The following LZTS1 variants were observed in gnomAD, a reference collection of about 807,000 sequenced individuals.
LZTS1 encodes leucine zipper tumor suppressor 1.
In LZTS1, 31 loss-of-function variants were observed where a neutral mutation model predicts 45.8. The observed-to-expected ratio is 0.68, with a 90% CI of 0.51 to 0.91. The LOEUF (loss-of-function observed/expected upper bound fraction) is 0.91. Ranked by LOEUF, LZTS1 falls within the 40% of genes least tolerant of loss-of-function variation. LZTS1 has a pLI of 0.00. For synonymous variants in LZTS1, 359 were observed against 357.3 expected, an observed-to-expected ratio of 1.00 and a Z score of -0.05; for missense variants, 821 against 788.9, an observed-to-expected ratio of 1.04 and a Z score of -0.49.
intron 1 of LZTS1, among the ~76,000 whole-genome samples, chr8:20,296,252 T>C (rs1800976967): frequency 6.6e-6 from 1 of 152,240 alleles, no homozygotes; most frequent in South Asian, 2.1e-4. Context: ...CTCAGCCACC[T>C]GAGAGGTTAT....
At chr8:20,256,354 G>A (rs755405863) in intron 1 of LZTS1, among the ~76,000 whole-genome samples, 2 of 152,180 alleles carry the variant, frequency 1.3e-5, no homozygotes, top group African/African-American at 4.8e-5. Context: ...AGGAGCCCCT[G>A]GATGGCTTTA....
intron 1 of LZTS1, among the ~76,000 whole-genome samples, chr8:20,272,206 C>T (rs1800487192): frequency 6.6e-6 from 1 of 152,178 alleles, no homozygotes; most frequent in Non-Finnish European, 1.5e-5. Context: ...CTTCCCAGGT[C>T]ATCTCCCACT....
intron 1 of LZTS1, among the ~76,000 whole-genome samples, chr8:20,271,862 G>A (rs554376049): frequency 2.2e-4 from 34 of 152,324 alleles, no homozygotes; most frequent in African/African-American, 7.7e-4. Flanking sequence ...AGCCATAGGC[G>A]AGCCAGGTGA....
At chr8:20,292,300 G>A (rs113108303) in intron 1 of LZTS1, among the ~76,000 whole-genome samples, 7 of 152,330 alleles carry the variant, frequency 4.6e-5, no homozygotes, top group African/African-American at 1.7e-4. Flanking sequence ...ATCAGGACAC[G>A]TATCTGCCTC....
At position 20,256,060 on chromosome 8, in the gene LZTS1, C is replaced by CAAAAA. The variant is rs386412254; in HGVS notation, c.-134-750_-134-746dup. Reference sequence around the variant, plus strand: ...ACTGCACTCCAGCCTGGGCCTGACTCAAAAAAAAAAAAAAAAAAAAAAAAG... The same window carrying CAAAAA: ...ACTGCACTCCAGCCTGGGCCTGACTCAAAAAAAAAAAAAAAAAAAAAAAAAAAAAG... On this transcript the variant is annotated intron_variant, in intron 1 of 3. Transcript: ENST00000381569. Among the ~76,000 whole-genome samples the CAAAAA allele has an allele frequency of 2.6e-3, 147 of 56,226 alleles. 1 individual carries two copies. The highest frequency in any genetic ancestry group is 3.4e-3 in the Non-Finnish European group (105 of 31,174). 36.9% of individuals were successfully genotyped at this position (56,226 alleles called of 152,430 possible).
chr8:20,276,951 C>T (rs1585294777), intron 1 of LZTS1, among the ~76,000 whole-genome samples: 2 of 152,326 alleles, frequency 1.3e-5, no homozygotes, highest in East Asian at 1.9e-4. Flanking sequence ...ATGTCAGAGG[C>T]ATTTGAACCA....
Position 20,254,909 on chromosome 8 carries a change from C to T in LZTS1, c.273G>A (p.Gly91=), listed in dbSNP as rs1167470234. 6.2e-7 allele frequency: 1 copy of T among 1,614,062 alleles called. No homozygotes were observed. The highest frequency in any genetic ancestry group is 8.5e-7 in the Non-Finnish European group (1 of 1,180,042). The change falls in exon 2 of 4, where the codon GGG becomes GGA. Residue 91 remains glycine (G), a synonymous_variant. Coordinates refer to ENST00000381569, the MANE Select transcript of LZTS1 (RefSeq NM_021020.5). Reference sequence around the variant, plus strand: ...GGTCAAAGTCCACCCCAGCCTGGCCCCCTAAATCCCCGCTGGACAGTGCCG... The same window carrying T: ...GGTCAAAGTCCACCCCAGCCTGGCCTCCTAAATCCCCGCTGGACAGTGCCG... ...DYTALSSGDL[G]GQAGVDFDPS... is the part of the protein sequence containing the mutation.
chr8:20,302,065 T>C (rs1311231866), intron 1 of LZTS1, among the ~76,000 whole-genome samples: 1 of 152,130 alleles, frequency 6.6e-6, no homozygotes, highest in Admixed American at 6.5e-5. Context: ...TTACTAGGAC[T>C]CCCAGTTGCT....
chr8:20,255,712 T>C (rs551649778), intron 1 of LZTS1, among the ~76,000 whole-genome samples: 1 of 152,124 alleles, frequency 6.6e-6, no homozygotes, highest in African/African-American at 2.4e-5. Flanking sequence ...AGAACAGAAT[T>C]CTGGGAGGTG....
chr8:20,287,897 CAAAAAAA>C (rs34653802), intron 1 of LZTS1, among the ~76,000 whole-genome samples: 8 of 54,118 alleles, frequency 1.5e-4, no homozygotes, highest in African/African-American at 2.2e-4. Flanking sequence ...GCACTCCAGC[CAAAAAAA>C]AAAAAAAAAA....
intron 1 of LZTS1, among the ~76,000 whole-genome samples, chr8:20,296,787 A>G (rs1800986286): frequency 6.6e-6 from 1 of 152,126 alleles, no homozygotes; most frequent in Admixed American, 6.5e-5. Flanking sequence ...TCCCACAATG[A>G]TTAACTGACA....
At chr8:20,282,018 C>G (rs540376784) in intron 1 of LZTS1, among the ~76,000 whole-genome samples, 1 of 152,182 alleles carries the variant, frequency 6.6e-6, no homozygotes, top group Non-Finnish European at 1.5e-5. Flanking sequence ...TCCGTTCTCT[C>G]TGATGTTAGG....
chr8:20,285,160 G>A (rs1044069446), intron 1 of LZTS1, among the ~76,000 whole-genome samples: 1 of 152,206 alleles, frequency 6.6e-6, no homozygotes, highest in African/African-American at 2.4e-5. Context: ...TCTGCAAGAT[G>A]GATTTCTTGT....
chr8:20,282,724 T>A (rs1800717803), intron 1 of LZTS1, among the ~76,000 whole-genome samples: 1 of 152,172 alleles, frequency 6.6e-6, no homozygotes, highest in Admixed American at 6.5e-5. Flanking sequence ...TCACTCCCCT[T>A]TTCCACCAGT....
At chr8:20,261,310 A>T (rs1005853747) in intron 1 of LZTS1, among the ~76,000 whole-genome samples, 1 of 152,110 alleles carries the variant, frequency 6.6e-6, no homozygotes, top group African/African-American at 2.4e-5. Flanking sequence ...AGAGAGAAAA[A>T]GAGAAAAGAA....
In LZTS1 at chr8:20,255,088, T is replaced by A; in HGVS notation, c.94A>T (p.Lys32Ter). The A allele has an allele frequency of 6.2e-7, 1 of 1,614,114 alleles. No individual in the cohort carries two copies. The highest frequency in any genetic ancestry group is 8.5e-7 in the Non-Finnish European group (1 of 1,180,022). ...QYKLRKSSHL[K>*]KLNRYSDGLL... The stretch of plus-strand genomic sequence containing the variant: ...CCGTCGGAATACCGGTTGAGCTTCT[T>A]GAGGTGGGAGGACTTGCGCAGCTTG... The change falls in exon 2 of 4, where the codon AAG (lysine) becomes TAG (stop). Residue 32 changes from lysine (K) to a stop codon, truncating the protein, a stop_gained. Coordinates refer to ENST00000381569, the MANE Select transcript of LZTS1 (RefSeq NM_021020.5). LOFTEE classifies it high-confidence loss of function.
chr8:20,289,619 C>A (rs954285131), intron 1 of LZTS1, among the ~76,000 whole-genome samples: 7 of 152,290 alleles, frequency 4.6e-5, no homozygotes, highest in Non-Finnish European at 8.8e-5. Flanking sequence ...GTTTGTGTGG[C>A]CATTTCCTCT....
chr8:20,250,413 C>G, intron 3 of LZTS1, 50 bp from the exon 4 acceptor site: 1 of 1,512,516 alleles, frequency 6.6e-7, no homozygotes, highest in Admixed American at 2.1e-5. Flanking sequence ...GTGTCCTTAC[C>G]CAGGGAAGTG....
At chr8:20,303,683 G>C (rs1393553960) in intron 1 of LZTS1, 57 bp downstream of exon 1, 1 of 985,042 alleles carries the variant, frequency 1.0e-6, no homozygotes, top group African/African-American at 1.7e-5. Flanking sequence ...GCGGTTTCCC[G>C]CAGCCAGGGC....
Sources: gnomAD v4.1 joint callset for allele counts (sites outside exome capture counted in the v4.1 genomes callset) on GRCh38, gnomAD v4.1.1 for gene constraint, MANE v1.5 for transcripts, NCBI Gene and HGNC (gene_info 2026-07-23, HGNC 2026-07-21) for gene names.